PRKCB: variants seen among roughly 807,000 people sequenced by gnomAD.
The protein encoded by PRKCB is protein kinase C beta type.
Under a neutral mutation model 81.5 loss-of-function variants are expected in PRKCB, and 13 were observed. That is an observed-to-expected ratio of 0.16 (90% CI 0.10 to 0.25). PRKCB has a LOEUF of 0.25. Among genes scored for constraint, PRKCB ranks in the 10% least tolerant of loss-of-function variants. The probability of loss-of-function intolerance (pLI) is 1.00; values close to 1 mark genes in which losing one functional copy is unlikely to be tolerated. For missense variants in PRKCB, 509 were observed against 875.7 expected (o/e 0.58, Z 5.29); for synonymous variants, 335 against 321.4 (o/e 1.04, Z -0.45).
At chr16:23,947,885 C>CTTT (rs3073131) in intron 2 of PRKCB, among the ~76,000 whole-genome samples, 3,235 of 124,376 alleles carry the variant, frequency 0.026, 123 homozygotes, top group African/African-American at 0.076. Flanking sequence ...TCTGGAGCCG[C>CTTT]TTTTTTTTTT....
chr16:23,852,848 A>T (rs1402349574), intron 2 of PRKCB, among the ~76,000 whole-genome samples: 1 of 152,188 alleles, frequency 6.6e-6, no homozygotes, highest in Non-Finnish European at 1.5e-5. Flanking sequence ...CCATTGACTT[A>T]TGCCCATTTT....
At chr16:23,926,143 T>C (rs986824883) in intron 2 of PRKCB, among the ~76,000 whole-genome samples, 1 of 151,626 alleles carries the variant, frequency 6.6e-6, no homozygotes, top group Non-Finnish European at 1.5e-5. Context: ...TCGTGTTGTG[T>C]ACCTGTGGTC....
At chr16:23,880,790 T>C (rs186768040) in intron 2 of PRKCB, among the ~76,000 whole-genome samples, 116 of 152,298 alleles carry the variant, frequency 7.6e-4, no homozygotes, top group African/African-American at 2.6e-3. Context: ...AATAATCTTA[T>C]CAAGCAGAAA....
At chr16:23,995,216 C>A (rs1237228543) in intron 3 of PRKCB, among the ~76,000 whole-genome samples, 2 of 152,094 alleles carry the variant, frequency 1.3e-5, no homozygotes, top group Non-Finnish European at 2.9e-5. Flanking sequence ...GCAACACATT[C>A]CTCATTTAAG....
At chr16:24,024,616 A>T (rs1318005708) in intron 3 of PRKCB, among the ~76,000 whole-genome samples, 1 of 152,232 alleles carries the variant, frequency 6.6e-6, no homozygotes, top group Admixed American at 6.5e-5. Flanking sequence ...TAATTTGTCA[A>T]TCAAATATAA....
chr16:24,129,712 A>G (rs993393258), intron 9 of PRKCB, among the ~76,000 whole-genome samples: 18 of 58,366 alleles, frequency 3.1e-4, no homozygotes, highest in Non-Finnish European at 4.5e-4. Flanking sequence ...TCTACGTATC[A>G]TCAATCAATC....
intron 7 of PRKCB, among the ~76,000 whole-genome samples, chr16:24,110,850 G>GT (rs1401881367): frequency 6.6e-6 from 1 of 151,940 alleles, no homozygotes; most frequent in Non-Finnish European, 1.5e-5. Context: ...TGTTTTGTTT[G>GT]TTTTTAACAA....
chr16:24,086,650 T>C (rs977966102), intron 5 of PRKCB, among the ~76,000 whole-genome samples: 1 of 152,234 alleles, frequency 6.6e-6, no homozygotes, highest in African/African-American at 2.4e-5. Flanking sequence ...TTGTAAATTG[T>C]TTTAATAACA....
intron 3 of PRKCB, among the ~76,000 whole-genome samples, chr16:23,995,295 A>G (rs1964940268): frequency 6.6e-6 from 1 of 152,190 alleles, no homozygotes. Flanking sequence ...CCAGAACAGT[A>G]GAAGGCTCTG....
intron 9 of PRKCB, among the ~76,000 whole-genome samples, chr16:24,146,561 T>C (rs1459649929): frequency 1.3e-5 from 2 of 152,180 alleles, no homozygotes; most frequent in East Asian, 1.9e-4. Context: ...GTCCATGCCC[T>C]AACCATTATG....
intron 2 of PRKCB, among the ~76,000 whole-genome samples, chr16:23,883,339 T>A (rs769890617): frequency 1.3e-5 from 2 of 152,048 alleles, no homozygotes; most frequent in Non-Finnish European, 2.9e-5. Flanking sequence ...GAAAATACCA[T>A]TCTGGGCCCT....
At chr16:24,058,271 G>A (rs1294502575) in intron 5 of PRKCB, among the ~76,000 whole-genome samples, 3 of 152,078 alleles carry the variant, frequency 2.0e-5, no homozygotes, top group African/African-American at 7.2e-5. Flanking sequence ...GTTTGCATTT[G>A]TTTATTTATT....
At chr16:23,897,597 A>G (rs892492714) in intron 2 of PRKCB, among the ~76,000 whole-genome samples, 1 of 152,146 alleles carries the variant, frequency 6.6e-6, no homozygotes, top group African/African-American at 2.4e-5. Flanking sequence ...GTCACCTGGC[A>G]GCTTATGCCC....
intron 7 of PRKCB, among the ~76,000 whole-genome samples, chr16:24,100,950 G>A (rs1293235011): frequency 1.3e-5 from 2 of 152,160 alleles, no homozygotes; most frequent in Admixed American, 1.3e-4. Context: ...CAGTTCCTGG[G>A]TGAGGATCAC....
intron 5 of PRKCB, among the ~76,000 whole-genome samples, chr16:24,085,724 G>A (rs533011874): frequency 4.7e-4 from 71 of 152,288 alleles, no homozygotes; most frequent in African/African-American, 1.6e-3. Flanking sequence ...CAGTTAGTGA[G>A]AGTCATGGCA....
intron 2 of PRKCB, among the ~76,000 whole-genome samples, chr16:23,968,202 T>G (rs1399087616): frequency 6.6e-6 from 1 of 152,180 alleles, no homozygotes; most frequent in Non-Finnish European, 1.5e-5. Flanking sequence ...CTTTACTGAC[T>G]TGTGTGACTG....
chr16:24,125,972 G>A (rs1966843594), intron 9 of PRKCB, among the ~76,000 whole-genome samples: 1 of 152,222 alleles, frequency 6.6e-6, no homozygotes, highest in South Asian at 2.1e-4. Context: ...TATCCCTGGG[G>A]TGGAGATGGA....
chr16:23,943,230 G>T (rs1964159878), intron 2 of PRKCB, among the ~76,000 whole-genome samples: 1 of 152,178 alleles, frequency 6.6e-6, no homozygotes, highest in Admixed American at 6.5e-5. Flanking sequence ...TGTTGTAAAG[G>T]TCACATATGT....
chr16:23,973,911 T>C (rs543582043), intron 2 of PRKCB, among the ~76,000 whole-genome samples: 41 of 152,138 alleles, frequency 2.7e-4, no homozygotes, highest in African/African-American at 8.9e-4. Flanking sequence ...GCTCAAGCAA[T>C]TCACCTTTCT....
Sources: allele counts gnomAD v4.1 joint callset (sites outside exome capture counted in the v4.1 genomes callset), GRCh38; gene constraint gnomAD v4.1.1; transcripts MANE v1.5; gene names NCBI Gene and HGNC (gene_info 2026-07-23, HGNC 2026-07-21).